The following PARVG variants were observed in gnomAD, a reference collection of about 807,000 sequenced individuals.
The protein encoded by PARVG is parvin gamma, also known as gamma-parvin.
A neutral mutation model predicts 44.4 loss-of-function variants in PARVG; 36 were observed. The ratio of observed to expected loss-of-function variants is 0.81; its 90% CI spans 0.62 to 1.07. The LOEUF is 1.07. PARVG is among the 50% of genes least tolerant of loss of function. PARVG has a pLI of 0.00. For missense variants in PARVG, 407 were observed against 407.4 expected (o/e 1.00, Z 0.01); for synonymous variants, 170 against 174.1 (o/e 0.98, Z 0.19).
chr22:44,175,212 C>T lies in PARVG; in HGVS notation c.-189+2021C>T, dbSNP rs140043170. ...CCCCAGAAAGGCCCCCCAATTCAGCCGTCACCTCCCCAGGGGGCCGTGGTG... is the reference window on the plus strand; with the variant it reads ...CCCCAGAAAGGCCCCCCAATTCAGCTGTCACCTCCCCAGGGGGCCGTGGTG... On this transcript the variant is annotated intron_variant, in intron 1 of 13. Transcript: ENST00000422871. Among the ~76,000 whole-genome samples the T allele has an allele frequency of 2.5e-3, 384 of 152,370 alleles. 2 individuals are homozygous for T. The highest frequency in any genetic ancestry group is 8.9e-3 in the African/African-American group (369 of 41,598).
In PARVG at chr22:44,206,664, A is replaced by C; in HGVS notation, c.*238A>C. 1 of 526,148 alleles carries C rather than the reference A, an allele frequency of 1.9e-6. No individual in the cohort carries two copies. Among genetic ancestry groups the C allele is most frequent in the Non-Finnish European group, 3.4e-6 (1 of 293,084 alleles). 32.6% of individuals were successfully genotyped at this position (526,148 alleles called of 1,614,324 possible). A position where few individuals can be genotyped will look rare whatever the true frequency, so the allele number is the denominator to read the frequency against. Reference sequence around the variant, plus strand: ...AGTATTTCTGGGAGGGATTCTGGGAACTTGACAGGGTCCTGAGGAGGGCCC... The same window carrying C: ...AGTATTTCTGGGAGGGATTCTGGGACCTTGACAGGGTCCTGAGGAGGGCCC... On this transcript the variant is annotated 3_prime_UTR_variant, in exon 14 of 14. Transcript: ENST00000444313.
intron 8 of PARVG, among the ~76,000 whole-genome samples, chr22:44,192,576 C>T (rs2054563517): frequency 6.6e-6 from 1 of 151,940 alleles, no homozygotes; most frequent in Non-Finnish European, 1.5e-5. Flanking sequence ...CCATCCTGCT[C>T]CCTGCCCACT....
At chr22:44,181,720 C>A (rs1248934194) in intron 1 of PARVG, 22 bp from the exon 2 acceptor site, 1 of 985,258 alleles carries the variant, frequency 1.0e-6, no homozygotes, top group Non-Finnish European at 1.2e-6. Context: ...ACGGCATCCA[C>A]CCCCCTCGGG....
At chr22:44,186,681 C>T (rs1262331149) in intron 4 of PARVG, 2 of 470,726 alleles carry the variant, frequency 4.2e-6, no homozygotes, top group Non-Finnish European at 8.8e-6. Flanking sequence ...GTCTCCTCCA[C>T]AGGCTGATCC....
At chr22:44,178,516 C>G (rs1346498334), upstream of PARVG, among the ~76,000 whole-genome samples, 1 of 152,202 alleles carries the variant, frequency 6.6e-6, no homozygotes, top group African/African-American at 2.4e-5. Context: ...CAACAAAATT[C>G]AGCACGCGAC....
intron 7 of PARVG, among the ~76,000 whole-genome samples, 190 bp downstream of exon 7, chr22:44,190,856 G>C (rs1327403545): frequency 6.6e-6 from 1 of 152,224 alleles, no homozygotes; most frequent in Non-Finnish European, 1.5e-5. Context: ...GCTGGTAAGG[G>C]TCTAGTGGGG....
chr22:44,174,263 T>C (rs1057234990), intron 1 of PARVG, among the ~76,000 whole-genome samples: 4 of 150,746 alleles, frequency 2.7e-5, no homozygotes, highest in African/African-American at 4.9e-5. Flanking sequence ...GGCAGGGGGG[T>C]GGTTACCTGT....
chr22:44,198,781 C>A, intron 12 of PARVG, 59 bp downstream of exon 12: 1 of 1,310,516 alleles, frequency 7.6e-7, no homozygotes, highest in Non-Finnish European at 1.1e-6. Flanking sequence ...ATATACAGAA[C>A]TGGCATGACC....
Position 44,183,343 on chromosome 22 carries a change from T to G in PARVG, c.14T>G (p.Phe5Cys), listed in dbSNP as rs1296088075. The change falls in exon 3 of 14, where the codon TTC (phenylalanine) becomes TGC (cysteine). Residue 5 changes from phenylalanine (F) to cysteine (C), a missense_variant. Transcript: ENST00000444313. MEPEFLYDLLQLPKG... is the reference protein window; with the variant it reads MEPECLYDLLQLPKG... ...GCTTGGGAGGCGATGGAGCCGGAGT[T>G]CTTGTACGACCTGCTGCAGCTCCCC... 1 of 1,610,038 alleles carries G rather than the reference T, an allele frequency of 6.2e-7. No homozygotes were observed. The highest frequency in any genetic ancestry group is 1.7e-5 in the Admixed American group (1 of 59,554).
At chr22:44,199,144 C>T (rs1452553677) in intron 12 of PARVG, among the ~76,000 whole-genome samples, 1 of 150,186 alleles carries the variant, frequency 6.7e-6, no homozygotes, top group African/African-American at 2.5e-5. Flanking sequence ...TGTCCATCCA[C>T]CTACCTGCCT....
At chr22:44,190,720 C>G (rs2054536752) in intron 7 of PARVG, 54 bp downstream of exon 7, 2 of 1,458,984 alleles carry the variant, frequency 1.4e-6, no homozygotes, top group Admixed American at 3.4e-5. Context: ...TCTTGGGCCC[C>G]CATTGCCGTA....
rs1163351884 is a variant in PARVG, at chr22:44,189,149, A to G, written c.283A>G (p.Ile95Val). Residue 95 changes from isoleucine to valine, a missense_variant, in exon 6 of 14, where the codon ATC becomes GTC. Ile to Val is a conservative substitution (Grantham distance 29, BLOSUM62 3). Transcript: ENST00000444313. ...LAALKLEAED[I>V]ALTATSQKHK... ...GGCGCTCAAGCTGGAAGCAGAGGAC[A>G]TCGCCCTGACAGCCACAAGCCAGAA... The G allele has an allele frequency of 6.2e-7, 1 of 1,614,028 alleles. No homozygotes were observed. The highest frequency in any genetic ancestry group is 1.3e-5 in the African/African-American group (1 of 74,954).
rs1204638741 is a variant in PARVG, at chr22:44,208,164, T to C, written c.*1738T>C. 1 of 152,182 alleles carries C rather than the reference T, an allele frequency of 6.6e-6. No homozygotes were observed. The highest frequency in any genetic ancestry group is 2.4e-5 in the African/African-American group (1 of 41,436). 9.4% of individuals were successfully genotyped at this position (152,182 alleles called of 1,614,324 possible). ...GCTGGCTCTGCCTGGCTGTTCCACG[T>C]CCTCACTCTTGTTCTATTTGACAGC... On this transcript the variant is annotated 3_prime_UTR_variant, in exon 14 of 14. Coordinates refer to ENST00000444313, the MANE Select transcript of PARVG (RefSeq NM_022141.7).
chr22:44,192,981 G>T (rs1025436122), intron 8 of PARVG, among the ~76,000 whole-genome samples: 8 of 152,210 alleles, frequency 5.3e-5, no homozygotes, highest in African/African-American at 1.9e-4. Context: ...ATGCTGGCCA[G>T]GTGGGGCTGC....
chr22:44,195,023 T>A (rs2054600208), intron 9 of PARVG, among the ~76,000 whole-genome samples: 1 of 152,088 alleles, frequency 6.6e-6, no homozygotes, highest in South Asian at 2.1e-4. Flanking sequence ...CATAGCTATG[T>A]GGGCAGGGAT....
At chr22:44,175,299 A>T (rs2054308643) in intron 1 of PARVG, among the ~76,000 whole-genome samples, 1 of 152,128 alleles carries the variant, frequency 6.6e-6, no homozygotes, top group African/African-American at 2.4e-5. Flanking sequence ...CTCTGGGGGA[A>T]CTGACATTGC....
chr22:44,174,664 A>C (rs759944573), intron 1 of PARVG, among the ~76,000 whole-genome samples: 7 of 152,008 alleles, frequency 4.6e-5, no homozygotes, highest in Non-Finnish European at 8.8e-5. Flanking sequence ...TGAACCTGGG[A>C]GGCGGAGGTT....
chr22:44,201,424 A>G (rs932615069), intron 12 of PARVG, among the ~76,000 whole-genome samples: 2 of 152,110 alleles, frequency 1.3e-5, no homozygotes, highest in Non-Finnish European at 2.9e-5. Flanking sequence ...GCAGCCTGCC[A>G]TGTCCCTCGC....
intron 13 of PARVG, 90 bp from the exon 14 acceptor site, chr22:44,206,227 C>A: frequency 2.1e-6 from 2 of 949,608 alleles, no homozygotes; most frequent in Non-Finnish European, 3.3e-6. Flanking sequence ...GCACTGAAAT[C>A]CTGAATGCCA....
Sources: allele counts gnomAD v4.1 joint callset (sites outside exome capture counted in the v4.1 genomes callset), GRCh38; gene constraint gnomAD v4.1.1; transcripts MANE v1.5; gene names NCBI Gene and HGNC (gene_info 2026-07-23, HGNC 2026-07-21).